FEZ1: variants seen among roughly 807,000 people sequenced by gnomAD.
The protein encoded by FEZ1 is fasciculation and elongation protein zeta 1.
FEZ1 carries 20 observed loss-of-function variants against 49.3 expected under a neutral mutation model. The observed-to-expected ratio is 0.41, with a 90% CI of 0.29 to 0.59. The LOEUF (loss-of-function observed/expected upper bound fraction) is 0.59. Among genes scored for constraint, FEZ1 ranks in the 20% least tolerant of loss-of-function variants. The probability of loss-of-function intolerance (pLI) is 0.36; values close to 1 mark genes in which losing one functional copy is unlikely to be tolerated. For missense variants in FEZ1, 413 were observed against 476.0 expected, an observed-to-expected ratio of 0.87 and a Z score of 1.23; for synonymous variants, 170 against 180.9, an observed-to-expected ratio of 0.94 and a Z score of 0.48.
chr11:125,481,674 C>T, intron 2 of FEZ1, 41 bp from the exon 3 acceptor site: 2 of 1,336,370 alleles, frequency 1.5e-6, no homozygotes, highest in African/African-American at 1.4e-5. Context: ...ACATCTGTGG[C>T]CTGGCCCCGC....
chr11:125,455,759 C>T (rs1243693496), intron 6 of FEZ1, 76 bp downstream of exon 6: 2 of 1,473,800 alleles, frequency 1.4e-6, no homozygotes, highest in Non-Finnish European at 1.9e-6. Context: ...GAGTCCCCTG[C>T]AGGGTTGGTA....
At position 125,460,492 on chromosome 11, in the gene FEZ1, C is replaced by T. The variant is rs532807109; in HGVS notation, c.667+6G>A. 1 of 1,613,068 alleles carries T rather than the reference C, an allele frequency of 6.2e-7. No homozygotes were observed. The highest frequency in any genetic ancestry group is 1.1e-5 in the South Asian group (1 of 90,954). ...CCTCGGCCAGCCCAGCGCCCAGGGC[C>T]CTCACCTTCATAGGACCAGTTGTTG... On this transcript the variant is annotated splice_donor_region_variant and intron_variant, in intron 5 of 9. Transcript: ENST00000278919.
intron 9 of FEZ1, among the ~76,000 whole-genome samples, chr11:125,447,902 C>G (rs1956913018): frequency 6.6e-6 from 1 of 151,982 alleles, no homozygotes; most frequent in African/African-American, 2.4e-5. Context: ...TCAAGAGTTC[C>G]TATGTTTTAG....
At chr11:125,452,959 C>CT (rs3053665) in intron 7 of FEZ1, 12,112 of 139,872 alleles carry the variant, frequency 0.087, 588 homozygotes, top group African/African-American at 0.1. Context: ...AAGAAGCTCA[C>CT]TTTTTTTTTT....
At chr11:125,453,454 A>T (rs1956977255) in intron 7 of FEZ1, 1 of 152,154 alleles carries the variant, frequency 6.6e-6, no homozygotes, top group Non-Finnish European at 1.5e-5. Flanking sequence ...TTCAGCTACA[A>T]ATATGTTTAA....
chr11:125,481,428 T>A, intron 3 of FEZ1, 106 bp downstream of exon 3: 1 of 794,948 alleles, frequency 1.3e-6, no homozygotes, highest in Non-Finnish European at 2.3e-6. Flanking sequence ...ATTACAGGCA[T>A]GAGCCTCCAT....
At chr11:125,461,958 G>T (rs1398767057) in intron 4 of FEZ1, among the ~76,000 whole-genome samples, 4 of 152,196 alleles carry the variant, frequency 2.6e-5, no homozygotes, top group African/African-American at 4.8e-5. Flanking sequence ...CCCTGTCAGG[G>T]TCTTATGGCT....
At position 125,495,009 on chromosome 11, in the gene FEZ1, A is replaced by G. The variant is rs1957443943; in HGVS notation, c.-46+1112T>C. Among the ~76,000 whole-genome samples, 1 of 152,034 alleles carries G rather than the reference A, an allele frequency of 6.6e-6. No homozygotes were observed. The highest frequency in any genetic ancestry group is 1.5e-5 in the Non-Finnish European group (1 of 68,010). On this transcript the variant is annotated intron_variant, in intron 1 of 9. Transcript: ENST00000278919. This position sits in a 1 kb window ranked among gnomAD's most constrained non-coding sequence, Gnocchi z 4.2. ...CTACCCTGCACTGATCCACCTTCAG[A>G]TTTCCCACTGCTCCTCCGCAGAACC...
rs1216564086 is a variant in FEZ1, at chr11:125,455,922, C to A, written c.852G>T (p.Gln284His). ...LIEVQNKQKE[Q>H]RELMKKRRKE... ...TCCGCCTCTTTTTCATCAGTTCTCG[C>A]TGCTCCTTCTGCTTGTTCTGAACCT... is the stretch of plus-strand genomic sequence containing the variant. Residue 284 changes from glutamine (Q) to histidine (H), a missense_variant, in exon 6 of 10, where the codon CAG becomes CAT. Physicochemically the swap from Gln to His is conservative, Grantham distance 24 (BLOSUM62 0). Coordinates refer to ENST00000278919, the MANE Select transcript of FEZ1 (RefSeq NM_005103.5). 1.2e-6 allele frequency: 2 copies of A among 1,613,550 alleles called. No individual in the cohort carries two copies. Among genetic ancestry groups the A allele is most frequent in the Middle Eastern group, 1.7e-4 (1 of 6,060 alleles).
chr11:125,450,860 G>A (rs1956948294), intron 8 of FEZ1, among the ~76,000 whole-genome samples: 2 of 152,142 alleles, frequency 1.3e-5, no homozygotes, highest in South Asian at 2.1e-4. Context: ...TAACCATAGT[G>A]GAGTAGACAA....
At chr11:125,471,007 G>A (rs1957178308) in intron 3 of FEZ1, among the ~76,000 whole-genome samples, 1 of 152,056 alleles carries the variant, frequency 6.6e-6, no homozygotes, top group South Asian at 2.1e-4. Flanking sequence ...TATGTAAAGT[G>A]TACAATATTA....
At chr11:125,454,907 A>T (rs1956994086) in intron 6 of FEZ1, among the ~76,000 whole-genome samples, 1 of 151,362 alleles carries the variant, frequency 6.6e-6, no homozygotes, top group South Asian at 2.1e-4. Flanking sequence ...CCGGCGACTC[A>T]GGAGGTTGAG....
Position 125,466,949 on chromosome 11 carries a change from CT to C in FEZ1, c.412-3380del, listed in dbSNP as rs1957136224. ...TTGTTTGACATGAGTGGTTGCCCCC[CT>C]GACAAAAATTAAGAGAACAAAGATA... On this transcript the variant is annotated intron_variant, in intron 3 of 9. Coordinates refer to ENST00000278919, the MANE Select transcript of FEZ1 (RefSeq NM_005103.5). 2.0e-5 allele frequency among the ~76,000 whole-genome samples: 3 copies of C among 151,782 alleles called. No individual in the cohort carries two copies. The South Asian group carries it at 6.2e-4, about 31-fold the overall frequency.
chr11:125,458,024 C>A (rs1957036515), intron 5 of FEZ1, among the ~76,000 whole-genome samples: 1 of 152,118 alleles, frequency 6.6e-6, no homozygotes, highest in Non-Finnish European at 1.5e-5. Context: ...TCTTTGGGAC[C>A]TTTGTGTGGC....
chr11:125,456,374 C>G (rs1012077252), intron 5 of FEZ1: 1 of 398,240 alleles, frequency 2.5e-6, no homozygotes, highest in Non-Finnish European at 4.4e-6. Context: ...ACTCTATTCT[C>G]AAAAATGGGG....
intron 9 of FEZ1, among the ~76,000 whole-genome samples, chr11:125,446,692 T>G (rs1956902537): frequency 6.6e-6 from 1 of 152,144 alleles, no homozygotes; most frequent in African/African-American, 2.4e-5. Context: ...TTGTTTGTTT[T>G]TTTGAGACAG....
In FEZ1 at chr11:125,443,358, C is replaced by G. The variant is rs993003378; in HGVS notation, c.*2737G>C. 3.3e-5 allele frequency among the ~76,000 whole-genome samples: 5 copies of G among 152,210 alleles called. No individual in the cohort carries two copies. The highest frequency in any genetic ancestry group is 5.9e-5 in the Non-Finnish European group (4 of 68,042). On this transcript the variant is annotated 3_prime_UTR_variant, in exon 10 of 10. Coordinates refer to ENST00000278919, the MANE Select transcript of FEZ1 (RefSeq NM_005103.5). ...CAATTGGGTTCACCTGATAATCACA[C>G]TAGCCACAAATTCCCTAGGTTCAGC... is the stretch of plus-strand genomic sequence containing the variant.
intron 3 of FEZ1, among the ~76,000 whole-genome samples, chr11:125,471,507 T>G (rs1185058350): frequency 6.6e-6 from 1 of 151,878 alleles, no homozygotes; most frequent in Non-Finnish European, 1.5e-5. Context: ...GCTACATTCA[T>G]ATCAAACAAA....
chr11:125,466,193 A>G (rs1359938224), intron 3 of FEZ1, among the ~76,000 whole-genome samples: 1 of 152,100 alleles, frequency 6.6e-6, no homozygotes, highest in East Asian at 1.9e-4. Context: ...TAAAACTGCT[A>G]GTTGTTACCA....
Sources: gnomAD v4.1 joint callset for allele counts (sites outside exome capture counted in the v4.1 genomes callset) on GRCh38, gnomAD v4.1.1 for gene constraint, Gnocchi (gnomAD v3.1) non-coding constraint, MANE v1.5 for transcripts, NCBI Gene and HGNC (gene_info 2026-07-23, HGNC 2026-07-21) for gene names.